Variants in CACNA1C observed in about 807,000 individuals in gnomAD.
CACNA1C encodes calcium voltage-gated channel subunit alpha1 C.
A neutral mutation model predicts 229.0 loss-of-function variants in CACNA1C; 30 were observed. That is an observed-to-expected ratio of 0.13 (90% CI 0.10 to 0.18). CACNA1C has a LOEUF of 0.18. CACNA1C is among the 10% of genes least tolerant of loss of function. The probability of loss-of-function intolerance (pLI) is 1.00; values close to 1 mark genes in which losing one functional copy is unlikely to be tolerated. For synonymous variants in CACNA1C, 1,114 were observed against 1,132.5 expected (o/e 0.98, Z 0.33); for missense variants, 1,658 against 2,845.0 (o/e 0.58, Z 9.49).
intron 1 of CACNA1C, among the ~76,000 whole-genome samples, chr12:2,074,452 A>G (rs577140625): frequency 6.6e-6 from 1 of 152,144 alleles, no homozygotes; most frequent in Non-Finnish European, 1.5e-5. Flanking sequence ...CTCGGAGATG[A>G]TCTGACTTGC....
chr12:2,230,386 A>C (rs1003792300), intron 3 of CACNA1C, among the ~76,000 whole-genome samples: 6 of 152,196 alleles, frequency 3.9e-5, no homozygotes, highest in Non-Finnish European at 5.9e-5. Context: ...CGGTCCCGGA[A>C]GGGGAGGCGG....
intron 3 of CACNA1C, among the ~76,000 whole-genome samples, chr12:2,426,937 C>T (rs1052990669): frequency 5.3e-5 from 8 of 152,200 alleles, no homozygotes; most frequent in African/African-American, 1.4e-4. Flanking sequence ...CACATTATTC[C>T]ACCATATTCT....
At chr12:2,288,759 G>A (rs1591773098) in intron 3 of CACNA1C, 1 of 152,244 alleles carries the variant, frequency 6.6e-6, no homozygotes, top group African/African-American at 2.4e-5. Context: ...GCTACCCAGT[G>A]GCTCTGGCAG....
chr12:2,330,680 C>A (rs2154513992), intron 3 of CACNA1C, among the ~76,000 whole-genome samples: 1 of 152,198 alleles, frequency 6.6e-6, no homozygotes, highest in African/African-American at 2.4e-5. Context: ...GCCCACTTGG[C>A]CAGATGGAGA....
At chr12:2,484,538 G>A (rs902477810) in intron 5 of CACNA1C, among the ~76,000 whole-genome samples, 3 of 152,182 alleles carry the variant, frequency 2.0e-5, no homozygotes, top group Admixed American at 6.5e-5. Flanking sequence ...TCCAGCTGTG[G>A]CCTGGAGGGG....
intron 6 of CACNA1C, among the ~76,000 whole-genome samples, chr12:2,491,235 A>C (rs2099727205): frequency 6.6e-6 from 1 of 152,264 alleles, no homozygotes; most frequent in African/African-American, 2.4e-5. Flanking sequence ...GGGAGGAAGG[A>C]TTGACTGCAA....
In CACNA1C at chr12:2,528,556, G is replaced by A. The variant is rs2099831953; in HGVS notation, c.1390+15572G>A. ...AGCCCAGCCCCACCATCTGCCTTCC[G>A]AACTGCCATGTTACCAGGCCAGGCT... On this transcript the variant is annotated intron_variant, in intron 9 of 46. Transcript: ENST00000399655. Among the ~76,000 whole-genome samples, 4 of 152,154 alleles carry A rather than the reference G, an allele frequency of 2.6e-5. No individual in the cohort carries two copies. The South Asian group carries it at 6.2e-4, about 24-fold the overall frequency.
intron 5 of CACNA1C, among the ~76,000 whole-genome samples, chr12:2,458,857 A>G (rs554771614): frequency 5.3e-5 from 8 of 152,318 alleles, no homozygotes; most frequent in South Asian, 4.1e-4. Flanking sequence ...TTAACTAGCA[A>G]TAGAGCCAAG....
chr12:2,032,727 G>A (rs1594080013), intron 1 of CACNA1C, among the ~76,000 whole-genome samples: 2 of 152,192 alleles, frequency 1.3e-5, no homozygotes, highest in South Asian at 2.1e-4. Flanking sequence ...ATCAGCAGCT[G>A]GAGCTAACAA....
chr12:2,641,227 G>A (rs574046221), intron 30 of CACNA1C, among the ~76,000 whole-genome samples: 18 of 152,334 alleles, frequency 1.2e-4, no homozygotes, highest in Non-Finnish European at 2.6e-4. Flanking sequence ...GGTACCTTGA[G>A]CACCCGCTGT....
chr12:2,263,965 C>T (rs548477167), intron 3 of CACNA1C, among the ~76,000 whole-genome samples: 3 of 152,228 alleles, frequency 2.0e-5, no homozygotes, highest in East Asian at 1.9e-4. Flanking sequence ...AGTCCTGCCT[C>T]GGAGATCAAA....
At chr12:2,051,129 G>C (rs2052103394), upstream of CACNA1C, among the ~76,000 whole-genome samples, 1 of 152,244 alleles carries the variant, frequency 6.6e-6, no homozygotes, top group South Asian at 2.1e-4. Context: ...TGTCAGTACT[G>C]AATCAGGATG....
At chr12:2,572,374 T>TTCCTCCTCCTCTCC (rs2055413032) in intron 13 of CACNA1C, among the ~76,000 whole-genome samples, 1 of 4,130 alleles carries the variant, frequency 2.4e-4, no homozygotes, top group African/African-American at 9.8e-4. Flanking sequence ...CCTTCTCCTC[T>TTCCTCCTCCTCTCC]TCCTCCTCTT....
intron 3 of CACNA1C, among the ~76,000 whole-genome samples, chr12:2,379,986 C>A (rs987231468): frequency 7.0e-4 from 100 of 142,124 alleles, no homozygotes; most frequent in Middle Eastern, 3.6e-3. Context: ...AGCCGAGATC[C>A]CGCCACTGCA....
intron 3 of CACNA1C, among the ~76,000 whole-genome samples, chr12:2,178,339 C>T (rs2096730694): frequency 6.6e-6 from 1 of 152,190 alleles, no homozygotes; most frequent in African/African-American, 2.4e-5. Flanking sequence ...TGCTGAGTTT[C>T]TTCAAGGGGC....
At position 2,691,308 on chromosome 12, in the gene CACNA1C, CTTCA is replaced by C. The variant is rs2097785644; in HGVS notation, c.*116_*119del. The stretch of plus-strand genomic sequence containing the variant: ...GACCTGGAGTTAACCGGAACAGCGT[CTTCA>C]TTCATTTCTGTTGGGACCAGACGCG... On this transcript the variant is annotated 3_prime_UTR_variant, in exon 47 of 47. Transcript: ENST00000399655. The C allele has an allele frequency of 3.4e-6, 4 of 1,165,822 alleles. No homozygotes were observed. Among genetic ancestry groups the C allele is most frequent in the Non-Finnish European group, 4.6e-6 (4 of 871,452 alleles). The allele number at this position is 1,165,822 out of a possible 1,614,324, so 72.2% of individuals were successfully genotyped here. A position where few individuals can be genotyped will look rare whatever the true frequency, so the allele number is the denominator to read the frequency against.
intron 1 of CACNA1C, among the ~76,000 whole-genome samples, chr12:1,975,215 T>C (rs373975507): frequency 2.0e-4 from 31 of 152,282 alleles, no homozygotes; most frequent in East Asian, 1.2e-3. Context: ...ACCCTTTATG[T>C]TTAAACAGTT....
chr12:2,264,603 T>C (rs1411949777), intron 3 of CACNA1C, among the ~76,000 whole-genome samples: 2 of 152,216 alleles, frequency 1.3e-5, no homozygotes, highest in Admixed American at 6.5e-5. Flanking sequence ...TGGTTCCTCC[T>C]GTTTCTCCCT....
chr12:2,060,201 G>A (rs1396081433), intron 1 of CACNA1C, among the ~76,000 whole-genome samples: 3 of 152,130 alleles, frequency 2.0e-5, no homozygotes, highest in Non-Finnish European at 4.4e-5. Flanking sequence ...TGCGAGAGTG[G>A]GATGGGGATG....
Sources: gnomAD v4.1 joint callset for allele counts (sites outside exome capture counted in the v4.1 genomes callset) on GRCh38, gnomAD v4.1.1 for gene constraint, MANE v1.5 for transcripts, NCBI Gene and HGNC (gene_info 2026-07-23, HGNC 2026-07-21) for gene names.